Variants in ADGRL3 observed in about 807,000 individuals in gnomAD.
ADGRL3 encodes the protein adhesion G protein-coupled receptor L3.
ADGRL3 carries 62 observed loss-of-function variants against 153.5 expected under a neutral mutation model. That is an observed-to-expected ratio of 0.40 (90% CI 0.33 to 0.50). The LOEUF is 0.50. Among genes scored for constraint, ADGRL3 ranks in the 20% least tolerant of loss-of-function variants. The pLI, the probability that ADGRL3 is intolerant of heterozygous loss-of-function variation, is 0.47. For missense variants in ADGRL3, 1,641 were observed against 1,859.4 expected, an observed-to-expected ratio of 0.88 and a Z score of 2.16; for synonymous variants, 710 against 672.5, an observed-to-expected ratio of 1.06 and a Z score of -0.86.
At chr4:61,740,524 A>G (rs2096569786) in intron 8 of ADGRL3, among the ~76,000 whole-genome samples, 1 of 152,178 alleles carries the variant, frequency 6.6e-6, no homozygotes, top group Non-Finnish European at 1.5e-5. Flanking sequence ...GTGAGAAGAG[A>G]GGTATTTTCT....
intron 19 of ADGRL3, among the ~76,000 whole-genome samples, chr4:61,988,528 T>C (rs1032770036): frequency 6.6e-6 from 1 of 152,178 alleles, no homozygotes; most frequent in Non-Finnish European, 1.5e-5. Flanking sequence ...TAATAGTAAT[T>C]CAATCAGGAA....
At chr4:61,408,935 T>C (rs1419668865) in intron 2 of ADGRL3, among the ~76,000 whole-genome samples, 1 of 151,808 alleles carries the variant, frequency 6.6e-6, no homozygotes, top group Non-Finnish European at 1.5e-5. Flanking sequence ...GTTGATTCTT[T>C]AGATTAAATA....
chr4:62,042,488 A>G (rs924257577), intron 24 of ADGRL3, among the ~76,000 whole-genome samples: 4 of 151,972 alleles, frequency 2.6e-5, no homozygotes, highest in African/African-American at 7.2e-5. Flanking sequence ...CCAGACAGAG[A>G]AAACAACCAG....
chr4:61,861,958 A>G (rs1224820362), intron 9 of ADGRL3, among the ~76,000 whole-genome samples: 1 of 152,182 alleles, frequency 6.6e-6, no homozygotes, highest in Non-Finnish European at 1.5e-5. Flanking sequence ...CCCAGATGAA[A>G]GCTTCTAAAC....
chr4:61,807,297 C>T (rs1348418539), intron 8 of ADGRL3, among the ~76,000 whole-genome samples: 1 of 149,316 alleles, frequency 6.7e-6, no homozygotes, highest in Admixed American at 6.7e-5. Flanking sequence ...TTATTTTGCT[C>T]AATCTTTGCA....
chr4:61,292,935 T>A (rs2094278217), intron 1 of ADGRL3, among the ~76,000 whole-genome samples: 1 of 152,148 alleles, frequency 6.6e-6, no homozygotes, highest in African/African-American at 2.4e-5. Flanking sequence ...TGTAATTTCC[T>A]AAGATCGCCT....
At chr4:61,665,267 T>C (rs770358243) in intron 5 of ADGRL3, among the ~76,000 whole-genome samples, 3 of 152,044 alleles carry the variant, frequency 2.0e-5, no homozygotes, top group Non-Finnish European at 4.4e-5. Context: ...AAAAATTAGC[T>C]GGACATGGTG....
At chr4:62,058,255 A>G (rs1738115640) in intron 25 of ADGRL3, among the ~76,000 whole-genome samples, 1 of 152,066 alleles carries the variant, frequency 6.6e-6, no homozygotes, top group Non-Finnish European at 1.5e-5. Context: ...TGTATTTCCA[A>G]ATAATATATG....
chr4:61,551,328 T>C (rs887226192), intron 4 of ADGRL3, among the ~76,000 whole-genome samples: 3 of 152,160 alleles, frequency 2.0e-5, no homozygotes, highest in South Asian at 4.1e-4. Context: ...AAATGACACA[T>C]ATCAAGGTCA....
intron 9 of ADGRL3, among the ~76,000 whole-genome samples, chr4:61,844,371 A>T (rs1465801173): frequency 6.7e-6 from 1 of 150,372 alleles, no homozygotes; most frequent in East Asian, 2.0e-4. Context: ...AACCTGGTGA[A>T]ACCCGTCTCT....
chr4:61,813,921 C>A (rs766921749), intron 9 of ADGRL3, 32 bp downstream of exon 9: 1 of 1,609,460 alleles, frequency 6.2e-7, no homozygotes, highest in Non-Finnish European at 8.5e-7. Context: ...GAAAAAGTAA[C>A]TCTGCTCATT....
intron 25 of ADGRL3, among the ~76,000 whole-genome samples, chr4:62,053,485 A>G (rs982566701): frequency 1.1e-4 from 16 of 151,674 alleles, no homozygotes; most frequent in African/African-American, 3.9e-4. Context: ...CCGCTTCAGA[A>G]TGTAAGACAA....
chr4:62,045,144 G>A (rs1324032751), intron 25 of ADGRL3, among the ~76,000 whole-genome samples: 1 of 151,850 alleles, frequency 6.6e-6, no homozygotes, highest in Non-Finnish European at 1.5e-5. Flanking sequence ...AAGAAATGAC[G>A]TTCCCTTAAT....
chr4:62,048,753 G>A (rs1206733843), intron 25 of ADGRL3, among the ~76,000 whole-genome samples: 2 of 148,006 alleles, frequency 1.4e-5, no homozygotes, highest in Admixed American at 1.3e-4. Flanking sequence ...GGGTTTTGCC[G>A]TGTTGCCCAG....
At chr4:61,474,414 G>A (rs1262509860) in intron 2 of ADGRL3, among the ~76,000 whole-genome samples, 2 of 152,222 alleles carry the variant, frequency 1.3e-5, no homozygotes, top group Non-Finnish European at 1.5e-5. Flanking sequence ...CAACAAAAAA[G>A]TCTCACTGTT....
At chr4:61,476,466 G>A (rs1415715266) in intron 2 of ADGRL3, among the ~76,000 whole-genome samples, 1 of 151,982 alleles carries the variant, frequency 6.6e-6, no homozygotes, top group East Asian at 1.9e-4. Flanking sequence ...AGCACTTTGG[G>A]AGGCCAAGGT....
intron 11 of ADGRL3, among the ~76,000 whole-genome samples, chr4:61,896,621 A>G (rs72638592): frequency 5.4e-4 from 82 of 152,304 alleles, no homozygotes; most frequent in Non-Finnish European, 1.0e-3. Context: ...TATACTGTAT[A>G]ATAATCCATA....
intron 8 of ADGRL3, among the ~76,000 whole-genome samples, chr4:61,748,956 A>T (rs1412437609): frequency 6.6e-6 from 1 of 151,364 alleles, no homozygotes; most frequent in Non-Finnish European, 1.5e-5. Context: ...TTCGCAACCT[A>T]CTCATCTGAC....
intron 2 of ADGRL3, among the ~76,000 whole-genome samples, chr4:61,477,862 G>A (rs1282165332): frequency 6.6e-6 from 1 of 151,824 alleles, no homozygotes; most frequent in Non-Finnish European, 1.5e-5. Context: ...TTTTACTACA[G>A]AATTTGTGGA....
Sources: allele counts gnomAD v4.1 joint callset (sites outside exome capture counted in the v4.1 genomes callset), GRCh38; gene constraint gnomAD v4.1.1; transcripts MANE v1.5; gene names NCBI Gene and HGNC (gene_info 2026-07-23, HGNC 2026-07-21).